MEIS2: variants seen among roughly 807,000 people sequenced by gnomAD.
MEIS2 encodes homeobox protein Meis2.
Under a neutral mutation model 58.6 loss-of-function variants are expected in MEIS2, and 9 were observed. That is an observed-to-expected ratio of 0.15 (90% confidence interval 0.09 to 0.27). The LOEUF (loss-of-function observed/expected upper bound fraction) is 0.27, where lower values mean the gene tolerates loss of function less well. Ranked by LOEUF, MEIS2 falls within the 10% of genes least tolerant of loss-of-function variation. The probability of loss-of-function intolerance (pLI) is 1.00; values close to 1 mark genes in which losing one functional copy is unlikely to be tolerated. For missense variants in MEIS2, 427 were observed against 635.0 expected (o/e 0.67, Z 3.52); for synonymous variants, 221 against 228.4 (o/e 0.97, Z 0.29).
intron 7 of MEIS2, among the ~76,000 whole-genome samples, chr15:37,077,287 AAC>A (rs1482057290): frequency 6.6e-6 from 1 of 152,016 alleles, no homozygotes; most frequent in African/African-American, 2.4e-5. Flanking sequence ...TGGCACTGTA[AAC>A]TCATCCCTGA....
At position 36,890,990 on chromosome 15, in the gene MEIS2, T is replaced by C. The variant is rs2055820257; in HGVS notation, c.*1183A>G. The C allele has an allele frequency of 6.6e-6, 1 of 152,626 alleles. No homozygotes were observed. The highest frequency in any genetic ancestry group is 6.5e-5 in the Admixed American group (1 of 15,286). The allele number at this position is 152,626 out of a possible 1,614,324, so 9.5% of individuals were successfully genotyped here. A position where few individuals can be genotyped will look rare whatever the true frequency, so the allele number is the denominator to read the frequency against. ...TGTATAGAGTTGGCATTGTGCAGTCTTGTCCTAAAACCATTAAAAACGCAA... is the reference window on the plus strand; with the variant it reads ...TGTATAGAGTTGGCATTGTGCAGTCCTGTCCTAAAACCATTAAAAACGCAA... On this transcript the variant is annotated 3_prime_UTR_variant, in exon 12 of 12. Transcript: ENST00000561208.
At chr15:36,919,804 A>G (rs924187945) in intron 9 of MEIS2, among the ~76,000 whole-genome samples, 1 of 152,316 alleles carries the variant, frequency 6.6e-6, no homozygotes, top group South Asian at 2.1e-4. Context: ...AGAGCAAGTA[A>G]TAAGTGAGAT....
chr15:37,050,629 T>C (rs2062876306), intron 7 of MEIS2, among the ~76,000 whole-genome samples: 1 of 152,186 alleles, frequency 6.6e-6, no homozygotes. Flanking sequence ...TCTGGGCAGT[T>C]GTACTACTTT....
chr15:36,893,973 T>C lies in MEIS2; in HGVS notation c.1147+1178A>G, dbSNP rs375150438. ...AAGGATATATCTTGTTGGCAGACTC[T>C]GAATTTTTTTCAGATGTCAAAAACA... is the stretch of plus-strand genomic sequence containing the variant. On this transcript the variant is annotated intron_variant, in intron 11 of 11. Transcript: ENST00000561208. 4.0e-4 allele frequency among the ~76,000 whole-genome samples: 61 copies of C among 152,356 alleles called. No homozygotes were observed. The South Asian group carries it at 0.011, about 28-fold the overall frequency.
intron 9 of MEIS2, among the ~76,000 whole-genome samples, chr15:36,922,619 C>CTTTTT (rs59227539): frequency 1.0e-3 from 127 of 126,802 alleles, no homozygotes; most frequent in Non-Finnish European, 1.6e-3. Context: ...TTCTTTCTTT[C>CTTTTT]TTTTTTTTTT....
chr15:36,950,534 G>A, intron 8 of MEIS2, 134 bp from the exon 9 acceptor site: 2 of 825,870 alleles, frequency 2.4e-6, no homozygotes, highest in Non-Finnish European at 3.8e-6. Context: ...TTTTTATCAT[G>A]TGTTGAGAAA....
intron 7 of MEIS2, among the ~76,000 whole-genome samples, chr15:37,080,744 C>A (rs1892097762): frequency 6.6e-6 from 1 of 152,162 alleles, no homozygotes; most frequent in African/African-American, 2.4e-5. Flanking sequence ...GACAAACTCC[C>A]TTCCTTTGGC....
chr15:37,006,787 G>T (rs1175537068), intron 8 of MEIS2, among the ~76,000 whole-genome samples: 1 of 152,168 alleles, frequency 6.6e-6, no homozygotes, highest in Non-Finnish European at 1.5e-5. Context: ...ACAAACTCCT[G>T]TTGGCTAAGT....
chr15:37,010,193 T>C (rs948967579), intron 8 of MEIS2, among the ~76,000 whole-genome samples: 1 of 151,840 alleles, frequency 6.6e-6, no homozygotes, highest in Non-Finnish European at 1.5e-5. Flanking sequence ...GTTCACGCCA[T>C]TCTCCTGCCT....
chr15:36,931,019 A>AT (rs535552033), intron 9 of MEIS2, among the ~76,000 whole-genome samples: 4 of 152,168 alleles, frequency 2.6e-5, no homozygotes, highest in South Asian at 4.1e-4. Flanking sequence ...AAGTTTCCAC[A>AT]TTTTTTTCTG....
intron 9 of MEIS2, among the ~76,000 whole-genome samples, chr15:36,944,450 T>A (rs1030839662): frequency 7.9e-5 from 12 of 152,084 alleles, no homozygotes; most frequent in African/African-American, 2.9e-4. Flanking sequence ...CATGAGTGAC[T>A]GTCGGCAAGA....
intron 9 of MEIS2, among the ~76,000 whole-genome samples, chr15:36,936,465 A>T (rs949546763): frequency 6.6e-6 from 1 of 152,148 alleles, no homozygotes; most frequent in Admixed American, 6.5e-5. Context: ...ACTTTTCTTC[A>T]GTTAGTTTGA....
At chr15:36,910,224 CT>C (rs2056942498) in intron 9 of MEIS2, among the ~76,000 whole-genome samples, 2 of 152,190 alleles carry the variant, frequency 1.3e-5, no homozygotes, top group South Asian at 4.2e-4. Flanking sequence ...AAACAAAAAG[CT>C]TTTTAAAAAT....
chr15:36,948,519 C>A (rs541203150), intron 9 of MEIS2, among the ~76,000 whole-genome samples: 1 of 152,018 alleles, frequency 6.6e-6, no homozygotes, highest in Admixed American at 6.6e-5. Context: ...AATATCCATG[C>A]GGAAATTTTA....
chr15:37,099,113 G>A (rs1327720092), intron 1 of MEIS2: 13 of 1,040,708 alleles, frequency 1.2e-5, no homozygotes, highest in Non-Finnish European at 1.4e-5. Flanking sequence ...GGAGAACCGG[G>A]GGAATCGCGC....
chr15:36,913,542 C>T (rs942561328), intron 9 of MEIS2, among the ~76,000 whole-genome samples: 3 of 152,006 alleles, frequency 2.0e-5, no homozygotes, highest in Non-Finnish European at 2.9e-5. Flanking sequence ...AATGTTAAAG[C>T]AACTATTTCC....
At chr15:37,050,203 A>G (rs2062855090) in intron 7 of MEIS2, among the ~76,000 whole-genome samples, 1 of 152,134 alleles carries the variant, frequency 6.6e-6, no homozygotes, top group African/African-American at 2.4e-5. Context: ...AGATACACAC[A>G]CACACATCCC....
At chr15:36,985,317 A>G (rs2060059466) in intron 8 of MEIS2, among the ~76,000 whole-genome samples, 2 of 152,076 alleles carry the variant, frequency 1.3e-5, no homozygotes, top group Admixed American at 1.3e-4. Context: ...ACTGTTCTCA[A>G]TGAGTATTTT....
At chr15:36,971,037 G>GA (rs959426609) in intron 8 of MEIS2, among the ~76,000 whole-genome samples, 175 of 134,830 alleles carry the variant, frequency 1.3e-3, no homozygotes, top group African/African-American at 3.9e-3. Flanking sequence ...CAAAGAATAG[G>GA]AAAAAAAAAA....
Sources: allele counts gnomAD v4.1 joint callset (sites outside exome capture counted in the v4.1 genomes callset), GRCh38; gene constraint gnomAD v4.1.1; transcripts MANE v1.5; gene names NCBI Gene and HGNC (gene_info 2026-07-23, HGNC 2026-07-21).